Variants in SCMH1 observed in about 807,000 individuals in gnomAD.
The protein encoded by SCMH1 is polycomb protein SCMH1.
A neutral mutation model predicts 70.8 loss-of-function variants in SCMH1; 37 were observed. The ratio of observed to expected loss-of-function variants is 0.52; its 90% CI spans 0.40 to 0.69. SCMH1 has a LOEUF of 0.69. SCMH1 is among the 30% of genes least tolerant of loss of function. The probability of loss-of-function intolerance (pLI) is 0.00; values close to 1 mark genes in which losing one functional copy is unlikely to be tolerated. For missense variants in SCMH1, 607 were observed against 827.3 expected (o/e 0.73, Z 3.27); for synonymous variants, 292 against 307.4 (o/e 0.95, Z 0.52).
chr1:41,181,734 C>A (rs1648826832), intron 2 of SCMH1, among the ~76,000 whole-genome samples: 1 of 152,168 alleles, frequency 6.6e-6, no homozygotes, highest in Admixed American at 6.5e-5. Flanking sequence ...AATAGGAACA[C>A]TTTTACACTG....
At chr1:41,107,983 A>G (rs931546230) in intron 8 of SCMH1, among the ~76,000 whole-genome samples, 8 of 152,222 alleles carry the variant, frequency 5.3e-5, no homozygotes, top group Non-Finnish European at 1.2e-4. Flanking sequence ...TCTAAGCATC[A>G]AATTATTACC....
chr1:41,101,143 T>C (rs748218213), intron 8 of SCMH1, among the ~76,000 whole-genome samples: 1 of 151,926 alleles, frequency 6.6e-6, no homozygotes. Context: ...AGGTTTTGGA[T>C]GAAAGAAAAA....
In SCMH1 at chr1:41,187,459, CAAA is replaced by C. The variant is rs34070758; in HGVS notation, c.-117-1212_-117-1210del. On this transcript the variant is annotated intron_variant, in intron 1 of 14. Coordinates refer to ENST00000337495, the Ensembl canonical transcript of SCMH1. Reference sequence around the variant, plus strand: ...CCTAGGCGACAGAGTGAGACTTGGTCAAAAAAAAAAAAAAAAACCCCAAAAAAC... The same window carrying C: ...CCTAGGCGACAGAGTGAGACTTGGTCAAAAAAAAAAAAAACCCCAAAAAAC... Among the ~76,000 whole-genome samples the C allele has an allele frequency of 7.3e-3, 936 of 128,812 alleles. 12 individuals are homozygous for C. Among genetic ancestry groups the C allele is most frequent in the African/African-American group, 0.026 (837 of 31,954 alleles). The allele number at this position is 128,812 out of a possible 152,430, so 84.5% of individuals were successfully genotyped here. A position where few individuals can be genotyped will look rare whatever the true frequency, so the allele number is the denominator to read the frequency against.
At chr1:41,028,169 G>A in exon 15 of SCMH1, 1 of 1,613,754 alleles carries the variant, frequency 6.2e-7, no homozygotes, top group Non-Finnish European at 8.5e-7. Context: ...GCTGCCACTT[G>A]GTTGTCTAGG....
intron 10 of SCMH1, among the ~76,000 whole-genome samples, chr1:41,061,961 TTCAAGTGATCC>T (rs1349611813): frequency 1.3e-5 from 2 of 152,072 alleles, no homozygotes; most frequent in African/African-American, 4.8e-5. Context: ...GTCTCCCAGG[TTCAAGTGATCC>T]TCACACTTTA....
intron 2 of SCMH1, among the ~76,000 whole-genome samples, chr1:41,165,139 T>C (rs1006411719): frequency 2.0e-5 from 3 of 152,154 alleles, no homozygotes; most frequent in Non-Finnish European, 4.4e-5. Context: ...TGAGATTATA[T>C]GATATTTGTC....
At chr1:41,082,741 C>A (rs1660409772) in intron 8 of SCMH1, among the ~76,000 whole-genome samples, 2 of 152,246 alleles carry the variant, frequency 1.3e-5, no homozygotes, top group Non-Finnish European at 2.9e-5. Flanking sequence ...TACTGGCAAA[C>A]CGAATCCAGC....
intron 8 of SCMH1, among the ~76,000 whole-genome samples, chr1:41,105,720 C>T (rs1243283166): frequency 6.6e-6 from 1 of 152,120 alleles, no homozygotes; most frequent in Non-Finnish European, 1.5e-5. Flanking sequence ...CACCATGTCA[C>T]TGCTTCAATT....
At chr1:41,040,630 C>T (rs976678260) in intron 12 of SCMH1, among the ~76,000 whole-genome samples, 4 of 151,594 alleles carry the variant, frequency 2.6e-5, no homozygotes, top group African/African-American at 4.9e-5. Context: ...TTTGGGAGGC[C>T]GAGGTGGGTG....
chr1:41,110,563 C>T (rs1329960997), intron 8 of SCMH1, among the ~76,000 whole-genome samples: 1 of 152,150 alleles, frequency 6.6e-6, no homozygotes, highest in East Asian at 1.9e-4. Flanking sequence ...TTGTGACTGG[C>T]TTTTCATTTA....
chr1:41,072,703 G>GT (rs1310211810), intron 9 of SCMH1, among the ~76,000 whole-genome samples: 2 of 151,894 alleles, frequency 1.3e-5, no homozygotes, highest in African/African-American at 2.4e-5. Flanking sequence ...GTCTACAAAA[G>GT]TTTTTTTTAA....
chr1:41,229,836 A>G (rs538924161), intron 1 of SCMH1, among the ~76,000 whole-genome samples: 1 of 152,328 alleles, frequency 6.6e-6, no homozygotes, highest in Admixed American at 6.5e-5. Flanking sequence ...ATTAAGTGCT[A>G]TAACAGAATT....
chr1:41,074,988 G>A (rs923066796), intron 9 of SCMH1, among the ~76,000 whole-genome samples: 3 of 152,090 alleles, frequency 2.0e-5, no homozygotes, highest in East Asian at 1.9e-4. Flanking sequence ...TCAGCCTCCC[G>A]AGTAGCTGGG....
chr1:41,028,535 G>A, intron 14 of SCMH1, 49 bp downstream of exon 15: 2 of 1,609,680 alleles, frequency 1.2e-6, no homozygotes, highest in Non-Finnish European at 1.7e-6. Context: ...CCCACCAGGT[G>A]AGGCTCTCCA....
intron 4 of SCMH1, among the ~76,000 whole-genome samples, chr1:41,158,390 G>A (rs1372201274): frequency 2.0e-5 from 3 of 152,196 alleles, no homozygotes; most frequent in Admixed American, 2.0e-4. Flanking sequence ...GGTGCTACAG[G>A]AGCACCCAGA....
exon 9 of SCMH1, chr1:41,075,432 G>C (rs774086021): frequency 4.3e-6 from 7 of 1,614,024 alleles, no homozygotes; most frequent in Non-Finnish European, 5.9e-6. Context: ...AGGCAGGATA[G>C]GGATTCTTTG....
At chr1:41,050,608 T>C (rs1647744797) in intron 10 of SCMH1, among the ~76,000 whole-genome samples, 1 of 152,128 alleles carries the variant, frequency 6.6e-6, no homozygotes, top group Admixed American at 6.5e-5. Flanking sequence ...GTAAACAAGA[T>C]GAATTGAACG....
chr1:41,208,444 A>T (rs1056965062), intron 1 of SCMH1, among the ~76,000 whole-genome samples: 7 of 146,096 alleles, frequency 4.8e-5, no homozygotes, highest in African/African-American at 7.3e-5. Context: ...TTAAAAAAAA[A>T]AAATAAAAAA....
At chr1:41,219,999 T>A (rs1573176507) in intron 1 of SCMH1, among the ~76,000 whole-genome samples, 1 of 152,252 alleles carries the variant, frequency 6.6e-6, no homozygotes, top group East Asian at 1.9e-4. Context: ...GACTTTCATA[T>A]AACCACTCTT....
Sources: gnomAD v4.1 joint callset for allele counts (sites outside exome capture counted in the v4.1 genomes callset) on GRCh38, gnomAD v4.1.1 for gene constraint, MANE v1.5 for transcripts, NCBI Gene and HGNC (gene_info 2026-07-23, HGNC 2026-07-21) for gene names.